The following CDK6 variants were observed in gnomAD, a reference collection of about 807,000 sequenced individuals.
The protein encoded by CDK6 is cyclin dependent kinase 6.
In CDK6, 6 loss-of-function variants were observed where a neutral mutation model predicts 37.1. The observed-to-expected ratio is 0.16, with a 90% confidence interval of 0.09 to 0.32. The LOEUF (loss-of-function observed/expected upper bound fraction) is 0.32. CDK6 is among the 10% of genes least tolerant of loss of function. The pLI is 1.00. For missense variants in CDK6, 224 were observed against 418.9 expected (o/e 0.53, Z 4.06); for synonymous variants, 160 against 161.3 (o/e 0.99, Z 0.06).
chr7:92,652,061 C>T (rs1796587133), intron 5 of CDK6, among the ~76,000 whole-genome samples: 1 of 152,206 alleles, frequency 6.6e-6, no homozygotes, highest in Admixed American at 6.5e-5. Flanking sequence ...TTCAACATTT[C>T]ATAACGTATT....
intron 3 of CDK6, among the ~76,000 whole-genome samples, chr7:92,750,961 G>A (rs141268320): frequency 1.0e-3 from 156 of 152,208 alleles, no homozygotes; most frequent in African/African-American, 1.5e-3. Flanking sequence ...ACTACTACAC[G>A]ATTTATTTCC....
intron 3 of CDK6, among the ~76,000 whole-genome samples, chr7:92,739,159 G>C (rs974451766): frequency 1.3e-5 from 2 of 152,124 alleles, no homozygotes; most frequent in Non-Finnish European, 2.9e-5. Context: ...CCATTTGTTT[G>C]TGTTTCCATA....
At chr7:92,793,373 A>C (rs772191195) in intron 2 of CDK6, among the ~76,000 whole-genome samples, 1 of 152,164 alleles carries the variant, frequency 6.6e-6, no homozygotes, top group Non-Finnish European at 1.5e-5. Context: ...GTAGTACCTA[A>C]GACAGTATGG....
rs3731259 is a variant in CDK6, at chr7:92,833,922, G to T, written c.-367-232C>A. The T allele has an allele frequency of 5.0e-6, 2 of 398,746 alleles. No homozygotes were observed. The highest frequency in any genetic ancestry group is 4.4e-5 in the Admixed American group (1 of 22,704). The allele number at this position is 398,746 out of a possible 1,614,324, so 24.7% of individuals were successfully genotyped here. A position where few individuals can be genotyped will look rare whatever the true frequency, so the allele number is the denominator to read the frequency against. ...CCGTCTTCGCGCGGAGAGGTTGCAG[G>T]GGCCCCTCGGGGATGAGCGAGCGGC... is the stretch of plus-strand genomic sequence containing the variant. On this transcript the variant is annotated intron_variant, in intron 1 of 7. Coordinates refer to ENST00000424848, the MANE Select transcript of CDK6 (RefSeq NM_001145306.2). The surrounding 1 kb of genome is among the most constrained non-coding windows in gnomAD (Gnocchi z 6.1).
At chr7:92,637,568 C>T (rs1796201726) in intron 5 of CDK6, among the ~76,000 whole-genome samples, 1 of 152,062 alleles carries the variant, frequency 6.6e-6, no homozygotes, top group African/African-American at 2.4e-5. Context: ...TCTTCAACAT[C>T]AACAGCTAAT....
chr7:92,687,176 G>C (rs1238672189), intron 4 of CDK6, among the ~76,000 whole-genome samples: 1 of 152,184 alleles, frequency 6.6e-6, no homozygotes, highest in Admixed American at 6.6e-5. Context: ...GAGAGACGAA[G>C]CAGATTCCTA....
intron 2 of CDK6, among the ~76,000 whole-genome samples, chr7:92,825,486 C>CA (rs1801287532): frequency 1.3e-5 from 2 of 149,634 alleles, no homozygotes; most frequent in African/African-American, 4.9e-5. Flanking sequence ...ACACACACAC[C>CA]CCAACCATAT....
intron 2 of CDK6, among the ~76,000 whole-genome samples, chr7:92,831,601 C>T (rs1003910647): frequency 2.6e-5 from 4 of 152,088 alleles, no homozygotes; most frequent in Non-Finnish European, 4.4e-5. Flanking sequence ...ATAAAATACA[C>T]ATGAAAAAAA....
At position 92,827,087 on chromosome 7, in the gene CDK6, A is replaced by C. The variant is rs1396636871; in HGVS notation, c.233+6004T>G. 2.6e-5 allele frequency among the ~76,000 whole-genome samples: 4 copies of C among 152,208 alleles called. No homozygotes were observed. In the East Asian group the frequency reaches 7.7e-4, roughly 29 times the overall value. On this transcript the variant is annotated intron_variant, in intron 2 of 7. Transcript: ENST00000424848. ...AGCCATCCTCAATCAGTTTATATCTACAATGCATACAATCACAGAATAAAA... is the reference window on the plus strand; with the variant it reads ...AGCCATCCTCAATCAGTTTATATCTCCAATGCATACAATCACAGAATAAAA...
At position 92,608,466 on chromosome 7, in the gene CDK6, A is replaced by G; in HGVS notation, c.*6674T>C. 1 of 231,086 alleles carries G rather than the reference A, an allele frequency of 4.3e-6. No homozygotes were observed. The highest frequency in any genetic ancestry group is 8.6e-6 in the Non-Finnish European group (1 of 116,706). 14.3% of individuals were successfully genotyped at this position (231,086 alleles called of 1,614,324 possible). A position where few individuals can be genotyped will look rare whatever the true frequency, so the allele number is the denominator to read the frequency against. ...TTTTCAAAACAAAACTTTTCCAGGC[A>G]TATCTTTCACCATCACATATATAGA... is the stretch of plus-strand genomic sequence containing the variant. On this transcript the variant is annotated 3_prime_UTR_variant, in exon 8 of 8. Coordinates refer to ENST00000424848, the MANE Select transcript of CDK6 (RefSeq NM_001145306.2).
chr7:92,623,716 T>C (rs1795860525), intron 5 of CDK6, among the ~76,000 whole-genome samples: 1 of 152,166 alleles, frequency 6.6e-6, no homozygotes, highest in Non-Finnish European at 1.5e-5. Context: ...AACTGGCAAT[T>C]AAAAAAGGTC....
At chr7:92,632,800 C>T (rs1005578595) in intron 5 of CDK6, among the ~76,000 whole-genome samples, 1 of 151,852 alleles carries the variant, frequency 6.6e-6, no homozygotes, top group Non-Finnish European at 1.5e-5. Context: ...AACAGATTAT[C>T]TTGATTATAA....
At chr7:92,624,832 A>G (rs979432703) in intron 5 of CDK6, among the ~76,000 whole-genome samples, 1 of 152,176 alleles carries the variant, frequency 6.6e-6, no homozygotes, top group African/African-American at 2.4e-5. Flanking sequence ...GATTCTCACA[A>G]AAATTCCAGG....
At chr7:92,648,091 G>A in intron 5 of CDK6, among the ~76,000 whole-genome samples, 1 of 152,156 alleles carries the variant, frequency 6.6e-6, no homozygotes. Context: ...ACCCGTGTGT[G>A]TGTGTGGGTA....
intron 3 of CDK6, among the ~76,000 whole-genome samples, chr7:92,752,332 TG>T (rs576590388): frequency 1.6e-4 from 25 of 152,208 alleles, no homozygotes; most frequent in Non-Finnish European, 2.8e-4. Context: ...ACTATTCCAC[TG>T]TTCATGAAAA....
chr7:92,805,838 C>T (rs2115918425), intron 2 of CDK6, among the ~76,000 whole-genome samples: 1 of 152,206 alleles, frequency 6.6e-6, no homozygotes. Context: ...CAATCTGAAC[C>T]CTAAGGTTAC....
At chr7:92,810,253 G>A (rs1000628943) in intron 2 of CDK6, among the ~76,000 whole-genome samples, 56 of 152,310 alleles carry the variant, frequency 3.7e-4, no homozygotes, top group Admixed American at 3.1e-3. Context: ...TTGTCAGCAT[G>A]CAGTTTATGT....
intron 3 of CDK6, among the ~76,000 whole-genome samples, chr7:92,743,167 T>G (rs572850494): frequency 6.6e-6 from 1 of 151,710 alleles, no homozygotes; most frequent in Non-Finnish European, 1.5e-5. Flanking sequence ...CCTGCTACTT[T>G]GAGTTCGAGA....
At chr7:92,820,755 C>T (rs1167233334) in intron 2 of CDK6, among the ~76,000 whole-genome samples, 4 of 151,958 alleles carry the variant, frequency 2.6e-5, no homozygotes, top group Non-Finnish European at 2.9e-5. Flanking sequence ...ATAGATATTA[C>T]TGAAGTTTAA....
Sources: allele counts gnomAD v4.1 joint callset (sites outside exome capture counted in the v4.1 genomes callset), GRCh38; gene constraint gnomAD v4.1.1; non-coding constraint Gnocchi (gnomAD v3.1); transcripts MANE v1.5; gene names NCBI Gene and HGNC (gene_info 2026-07-23, HGNC 2026-07-21).